The following LRMDA variants were observed in gnomAD, a reference collection of about 807,000 sequenced individuals.
LRMDA encodes leucine rich melanocyte differentiation associated, also known as leucine-rich melanocyte differentiation-associated protein.
LRMDA carries 18 observed loss-of-function variants against 29.8 expected under a neutral mutation model. The observed-to-expected ratio is 0.60, with a 90% CI of 0.42 to 0.90. The LOEUF (loss-of-function observed/expected upper bound fraction) is 0.90, where lower values mean the gene tolerates loss of function less well. Among genes scored for constraint, LRMDA ranks in the 40% least tolerant of loss-of-function variants. The pLI, the probability that LRMDA is intolerant of heterozygous loss-of-function variation, is 0.00. For synonymous variants in LRMDA, 125 were observed against 109.4 expected, an observed-to-expected ratio of 1.14 and a Z score of -0.89; for missense variants, 273 against 273.9, an observed-to-expected ratio of 1.00 and a Z score of 0.02.
chr10:76,283,111 G>T (rs1357222872), intron 5 of LRMDA, among the ~76,000 whole-genome samples: 1 of 152,202 alleles, frequency 6.6e-6, no homozygotes, highest in African/African-American at 2.4e-5. Context: ...AGGGTGTACA[G>T]TTAGCTCCCC....
At chr10:75,658,117 C>T (rs1219560295) in intron 2 of LRMDA, among the ~76,000 whole-genome samples, 4 of 151,998 alleles carry the variant, frequency 2.6e-5, no homozygotes, top group Non-Finnish European at 5.9e-5. Context: ...GATATGAATG[C>T]TCTGGAGAGA....
intron 6 of LRMDA, among the ~76,000 whole-genome samples, chr10:76,533,457 A>C (rs1180263903): frequency 1.3e-5 from 2 of 152,086 alleles, no homozygotes; most frequent in Non-Finnish European, 2.9e-5. Flanking sequence ...TTCATTGTTG[A>C]AATTGTTGCT....
chr10:75,450,502 T>C (rs1052305906), intron 2 of LRMDA: 8 of 151,986 alleles, frequency 5.3e-5, no homozygotes, highest in African/African-American at 1.9e-4. Flanking sequence ...ATTCTTGAGA[T>C]AAAGCAAGAC....
chr10:75,615,396 G>A (rs1413793547), intron 2 of LRMDA, among the ~76,000 whole-genome samples: 2 of 152,116 alleles, frequency 1.3e-5, no homozygotes, highest in East Asian at 1.9e-4. Flanking sequence ...CATCCCTAAT[G>A]TGAAAATCCG....
At chr10:75,769,251 T>C (rs1843207317) in intron 2 of LRMDA, among the ~76,000 whole-genome samples, 1 of 152,224 alleles carries the variant, frequency 6.6e-6, no homozygotes, top group South Asian at 2.1e-4. Context: ...AGGAGCCGAG[T>C]ATGATACTAT....
At chr10:75,640,425 G>T (rs1052045833) in intron 2 of LRMDA, among the ~76,000 whole-genome samples, 9 of 152,272 alleles carry the variant, frequency 5.9e-5, no homozygotes, top group African/African-American at 1.7e-4. Context: ...CCCTCCCTTT[G>T]TGATTTTAGC....
At chr10:75,817,162 T>C (rs1167420992) in intron 2 of LRMDA, among the ~76,000 whole-genome samples, 9 of 152,204 alleles carry the variant, frequency 5.9e-5, no homozygotes, top group Admixed American at 5.9e-4. Context: ...ATGTGGAATA[T>C]GAATAAGGCA....
intron 2 of LRMDA, among the ~76,000 whole-genome samples, chr10:75,944,733 T>A (rs1168991071): frequency 6.7e-6 from 1 of 148,676 alleles, no homozygotes; most frequent in Non-Finnish European, 1.5e-5. Context: ...TACACATATA[T>A]ATCTATATGT....
intron 2 of LRMDA, among the ~76,000 whole-genome samples, chr10:75,509,167 C>T (rs552544609): frequency 4.6e-5 from 7 of 152,168 alleles, no homozygotes; most frequent in East Asian, 1.9e-4. Flanking sequence ...TTTGTTGGCC[C>T]TCATGGGCCA....
chr10:76,541,878 CT>C (rs913975654), intron 6 of LRMDA, among the ~76,000 whole-genome samples: 1 of 152,062 alleles, frequency 6.6e-6, no homozygotes, highest in East Asian at 1.9e-4. Flanking sequence ...TAATAGTCAT[CT>C]TTTTTTTATG....
intron 2 of LRMDA, among the ~76,000 whole-genome samples, chr10:75,799,678 CTTTGTG>C (rs1438523070): frequency 8.8e-6 from 1 of 113,654 alleles, no homozygotes; most frequent in Non-Finnish European, 1.8e-5. Flanking sequence ...CTATTCCTAG[CTTTGTG>C]TGTGTGTGTG....
intron 2 of LRMDA, among the ~76,000 whole-genome samples, chr10:75,454,065 G>A (rs1013422514): frequency 6.6e-6 from 1 of 152,106 alleles, no homozygotes; most frequent in South Asian, 2.1e-4. Flanking sequence ...AGACGGAGGG[G>A]GCAGGGAACC....
chr10:76,374,478 T>C (rs557859037), intron 6 of LRMDA, among the ~76,000 whole-genome samples: 6 of 152,236 alleles, frequency 3.9e-5, no homozygotes, highest in East Asian at 1.9e-4. Context: ...AAAGAAGATA[T>C]AAAAGTGCAT....
At chr10:76,514,061 A>G (rs182936406) in intron 6 of LRMDA, among the ~76,000 whole-genome samples, 32 of 152,288 alleles carry the variant, frequency 2.1e-4, no homozygotes, top group African/African-American at 7.5e-4. Context: ...TAGAGATTTA[A>G]TCTGAGGCAC....
chr10:76,088,018 G>A (rs1337661384), intron 5 of LRMDA, among the ~76,000 whole-genome samples: 1 of 152,116 alleles, frequency 6.6e-6, no homozygotes, highest in Non-Finnish European at 1.5e-5. Flanking sequence ...TACTTGGGAG[G>A]CTCAGGTGGG....
At chr10:75,456,231 A>G (rs1844515417) in intron 2 of LRMDA, among the ~76,000 whole-genome samples, 1 of 152,206 alleles carries the variant, frequency 6.6e-6, no homozygotes, top group African/African-American at 2.4e-5. Context: ...CGGCCCTGAC[A>G]CATATACGCG....
chr10:76,279,883 C>T (rs1422356430), intron 5 of LRMDA, among the ~76,000 whole-genome samples: 6 of 152,292 alleles, frequency 3.9e-5, no homozygotes, highest in African/African-American at 1.4e-4. Flanking sequence ...GACAAGGAGA[C>T]TGAGGCACTG....
chr10:75,636,188 A>G (rs1194677682), intron 2 of LRMDA, among the ~76,000 whole-genome samples: 1 of 152,190 alleles, frequency 6.6e-6, no homozygotes, highest in African/African-American at 2.4e-5. Flanking sequence ...ATTCCTGGAA[A>G]GAAATATTGC....
intron 2 of LRMDA, among the ~76,000 whole-genome samples, chr10:75,702,916 C>T (rs1842325798): frequency 6.6e-6 from 1 of 152,156 alleles, no homozygotes; most frequent in Non-Finnish European, 1.5e-5. Flanking sequence ...GGTCTCAGGA[C>T]TACAGATATC....
Sources: allele counts gnomAD v4.1 joint callset (sites outside exome capture counted in the v4.1 genomes callset), GRCh38; gene constraint gnomAD v4.1.1; transcripts MANE v1.5; gene names NCBI Gene and HGNC (gene_info 2026-07-23, HGNC 2026-07-21).